The following FERMT2 variants were observed in gnomAD, a reference collection of about 807,000 sequenced individuals.
FERMT2 encodes fermitin family homolog 2.
Under a neutral mutation model 82.7 loss-of-function variants are expected in FERMT2, and 15 were observed. The ratio of observed to expected loss-of-function variants is 0.18; its 90% CI spans 0.12 to 0.28. The LOEUF (loss-of-function observed/expected upper bound fraction) is 0.28, where lower values mean the gene tolerates loss of function less well. Among genes scored for constraint, FERMT2 ranks in the 10% least tolerant of loss-of-function variants. The pLI is 1.00. For missense variants in FERMT2, 645 were observed against 809.4 expected, an observed-to-expected ratio of 0.80 and a Z score of 2.46; for synonymous variants, 274 against 271.5, an observed-to-expected ratio of 1.01 and a Z score of -0.09.
intron 3 of FERMT2, among the ~76,000 whole-genome samples, chr14:52,895,213 G>C (rs545599338): frequency 1.3e-5 from 2 of 152,356 alleles, no homozygotes; most frequent in African/African-American, 2.4e-5. Context: ...TTACTACTCA[G>C]TGTCAGTGAG....
intron 3 of FERMT2, among the ~76,000 whole-genome samples, chr14:52,905,430 T>G (rs1012517172): frequency 2.0e-5 from 3 of 152,118 alleles, no homozygotes; most frequent in Admixed American, 2.0e-4. Flanking sequence ...GATTAAAAAA[T>G]AATTTCAAAA....
intron 3 of FERMT2, among the ~76,000 whole-genome samples, chr14:52,908,215 C>G (rs1216054443): frequency 6.6e-6 from 1 of 152,196 alleles, no homozygotes; most frequent in East Asian, 1.9e-4. Context: ...CTGGAACTCT[C>G]AAGTACTGCC....
chr14:52,860,472 A>G lies in FERMT2; in HGVS notation c.1603-7T>C, dbSNP rs1318387295. On this transcript the variant is annotated splice_region_variant and splice_polypyrimidine_tract_variant and intron_variant, in intron 12 of 14. Coordinates refer to ENST00000341590, the MANE Select transcript of FERMT2 (RefSeq NM_006832.3). Reference sequence around the variant, plus strand: ...CCAAGATTCTCGCTGTTATCTAAACATGAGTAAACATCACCTTTACCATTG... The same window carrying G: ...CCAAGATTCTCGCTGTTATCTAAACGTGAGTAAACATCACCTTTACCATTG... 5 of 1,608,232 alleles carry G rather than the reference A, an allele frequency of 3.1e-6. No individual in the cohort carries two copies. The highest frequency in any genetic ancestry group is 1.7e-5 in the Admixed American group (1 of 58,926).
chr14:52,930,376 A>G (rs749776632), intron 2 of FERMT2, among the ~76,000 whole-genome samples: 12 of 152,238 alleles, frequency 7.9e-5, no homozygotes, highest in Non-Finnish European at 1.5e-4. Flanking sequence ...AAATCATACA[A>G]TAAATTACCC....
chr14:52,909,141 G>C (rs772365221), intron 3 of FERMT2, among the ~76,000 whole-genome samples: 1 of 151,146 alleles, frequency 6.6e-6, no homozygotes, highest in Non-Finnish European at 1.5e-5. Flanking sequence ...AGAGGTGAAA[G>C]AGAGAGAGGT....
chr14:52,921,033 A>G (rs1888929403), intron 2 of FERMT2, among the ~76,000 whole-genome samples: 1 of 152,240 alleles, frequency 6.6e-6, no homozygotes. Flanking sequence ...ATATAGTCGT[A>G]CCTTTAAAAA....
In FERMT2 at chr14:52,865,186, T is replaced by C. The variant is rs150445076; in HGVS notation, c.1274-333A>G. Among the ~76,000 whole-genome samples, 93 of 152,206 alleles carry C rather than the reference T, an allele frequency of 6.1e-4. No homozygotes were observed. The East Asian group carries it at 0.017, about 28-fold the overall frequency. On this transcript the variant is annotated intron_variant, in intron 10 of 14. Coordinates refer to ENST00000341590, the MANE Select transcript of FERMT2 (RefSeq NM_006832.3). ...AATACAAAAAATTAGCCGGGGGTGG[T>C]GGTGGACACCTGTAATCTCAGCTAC...
intron 2 of FERMT2, chr14:52,928,464 G>A (rs1889405637): frequency 6.5e-6 from 1 of 152,798 alleles, no homozygotes; most frequent in Non-Finnish European, 1.5e-5. Context: ...CACTAAAGAA[G>A]CTGGTTCTGA....
chr14:52,917,331 A>G (rs1253024462), intron 3 of FERMT2, among the ~76,000 whole-genome samples: 3 of 152,094 alleles, frequency 2.0e-5, no homozygotes, highest in Admixed American at 2.0e-4. Context: ...TACTGGATAC[A>G]CACTGAACTT....
At chr14:52,904,917 G>A (rs1405070295) in intron 3 of FERMT2, among the ~76,000 whole-genome samples, 1 of 152,052 alleles carries the variant, frequency 6.6e-6, no homozygotes, top group African/African-American at 2.4e-5. Flanking sequence ...GGCCAGGTGA[G>A]GTGGCTCATG....
Position 52,857,529 on chromosome 14 carries a change from A to C in FERMT2, c.*848T>G, listed in dbSNP as rs1299435279. 1 of 152,666 alleles carries C rather than the reference A, an allele frequency of 6.6e-6. No homozygotes were observed. Among genetic ancestry groups the C allele is most frequent in the African/African-American group, 2.4e-5 (1 of 41,460 alleles). The allele number at this position is 152,666 out of a possible 1,614,324, so 9.5% of individuals were successfully genotyped here. On this transcript the variant is annotated 3_prime_UTR_variant, in exon 15 of 15. Transcript: ENST00000341590. ...GTCATTCTTAATTTAGTAGATATTA[A>C]AACTGCACGTTAATTATATCTCTTA...
chr14:52,868,252 C>T (rs562224242), intron 10 of FERMT2, among the ~76,000 whole-genome samples: 2 of 148,038 alleles, frequency 1.4e-5, no homozygotes, highest in African/African-American at 4.9e-5. Context: ...GGCTATGTTG[C>T]CCAGGTTGGT....
intron 2 of FERMT2, among the ~76,000 whole-genome samples, chr14:52,931,593 A>G (rs1000517856): frequency 6.6e-6 from 1 of 152,222 alleles, no homozygotes; most frequent in Non-Finnish European, 1.5e-5. Context: ...TTCAGATGAG[A>G]GAGGACAGCT....
At chr14:52,887,364 T>C (rs1566730836) in intron 4 of FERMT2, among the ~76,000 whole-genome samples, 1 of 151,830 alleles carries the variant, frequency 6.6e-6, no homozygotes, top group Non-Finnish European at 1.5e-5. Flanking sequence ...AATACAAAAA[T>C]TAGCTGGCCA....
intron 2 of FERMT2, among the ~76,000 whole-genome samples, chr14:52,942,300 C>CT: frequency 1.6e-5 from 2 of 125,222 alleles, no homozygotes; most frequent in Non-Finnish European, 1.7e-5. Context: ...AAATGTTTTT[C>CT]TTTTTCTTTT....
At chr14:52,870,726 C>T (rs1885567377) in intron 10 of FERMT2, among the ~76,000 whole-genome samples, 1 of 152,200 alleles carries the variant, frequency 6.6e-6, no homozygotes, top group South Asian at 2.1e-4. Context: ...TGTGTAAGTA[C>T]ACACACTCCA....
chr14:52,894,922 T>C (rs1887172379), intron 3 of FERMT2, among the ~76,000 whole-genome samples: 1 of 149,106 alleles, frequency 6.7e-6, no homozygotes, highest in African/African-American at 2.5e-5. Flanking sequence ...ACCTACTCTT[T>C]AAAAGACACT....
intron 3 of FERMT2, among the ~76,000 whole-genome samples, chr14:52,901,988 C>T (rs1887680477): frequency 6.6e-6 from 1 of 152,172 alleles, no homozygotes; most frequent in African/African-American, 2.4e-5. Flanking sequence ...AGAAAAATAA[C>T]TTATGAGAAA....
chr14:52,945,514 A>G (rs2139710439), intron 2 of FERMT2, among the ~76,000 whole-genome samples: 1 of 152,086 alleles, frequency 6.6e-6, no homozygotes, highest in African/African-American at 2.4e-5. Context: ...TCAGACTCCC[A>G]AGGTGCTAGT....
Sources: allele counts gnomAD v4.1 joint callset (sites outside exome capture counted in the v4.1 genomes callset), GRCh38; gene constraint gnomAD v4.1.1; transcripts MANE v1.5; gene names NCBI Gene and HGNC (gene_info 2026-07-23, HGNC 2026-07-21).